The following MORN5 variants were observed in gnomAD, a reference collection of about 807,000 sequenced individuals.
MORN5 encodes MORN repeat-containing protein 5.
A neutral mutation model predicts 22.1 loss-of-function variants in MORN5; 21 were observed. The ratio of observed to expected loss-of-function variants is 0.95; its 90% CI spans 0.67 to 1.37. The LOEUF (loss-of-function observed/expected upper bound fraction) is 1.37. Among genes scored for constraint, MORN5 ranks in the 40% most tolerant of loss-of-function variants. The probability of loss-of-function intolerance (pLI) is 0.00; values close to 1 mark genes in which losing one functional copy is unlikely to be tolerated. For synonymous variants in MORN5, 73 were observed against 74.0 expected (o/e 0.99, Z 0.07); for missense variants, 211 against 215.1 (o/e 0.98, Z 0.12).
chr9:122,190,782 A>G (rs571661088), intron 4 of MORN5, among the ~76,000 whole-genome samples: 54 of 152,402 alleles, frequency 3.5e-4, no homozygotes, highest in African/African-American at 1.3e-3. Context: ...CACCACTGCC[A>G]GCAAAGTTCA....
chr9:122,176,472 T>C (rs540565472), intron 4 of MORN5, among the ~76,000 whole-genome samples: 71 of 152,344 alleles, frequency 4.7e-4, no homozygotes, highest in African/African-American at 1.6e-3. Context: ...ATGACACTTA[T>C]TTCAACATAA....
intron 4 of MORN5, among the ~76,000 whole-genome samples, chr9:122,182,953 G>C (rs777409184): frequency 6.6e-6 from 1 of 152,154 alleles, no homozygotes; most frequent in Non-Finnish European, 1.5e-5. Flanking sequence ...TCTTGCCAGC[G>C]TCATGGTTCT....
intron 2 of MORN5, among the ~76,000 whole-genome samples, chr9:122,168,095 T>C (rs532066714): frequency 8.5e-5 from 13 of 152,346 alleles, no homozygotes; most frequent in Admixed American, 8.5e-4. Flanking sequence ...AAAATCCCTC[T>C]TGCCATGTAA....
At chr9:122,196,530 A>C (rs954210760) in intron 4 of MORN5, among the ~76,000 whole-genome samples, 1 of 151,736 alleles carries the variant, frequency 6.6e-6, no homozygotes, top group Non-Finnish European at 1.5e-5. Flanking sequence ...ACAGGGTTTC[A>C]CCATGTTGGC....
At chr9:122,171,713 TC>T (rs949528111) in intron 3 of MORN5, among the ~76,000 whole-genome samples, 2 of 152,088 alleles carry the variant, frequency 1.3e-5, no homozygotes, top group Admixed American at 6.5e-5. Flanking sequence ...AATCCTCCCT[TC>T]CCCTGCCCCC....
chr9:122,179,682 A>G (rs1829506214), intron 4 of MORN5, among the ~76,000 whole-genome samples: 2 of 152,228 alleles, frequency 1.3e-5, no homozygotes, highest in African/African-American at 2.4e-5. Context: ...TCCTGATATT[A>G]TAGGACAGAT....
At chr9:122,187,691 C>CA (rs919004575) in intron 4 of MORN5, among the ~76,000 whole-genome samples, 18 of 151,842 alleles carry the variant, frequency 1.2e-4, no homozygotes, top group South Asian at 1.0e-3. Flanking sequence ...TAACATAAAC[C>CA]AAAAAAAAGC....
intron 4 of MORN5, among the ~76,000 whole-genome samples, chr9:122,191,377 A>G (rs1381342476): frequency 6.6e-6 from 1 of 152,208 alleles, no homozygotes; most frequent in African/African-American, 2.4e-5. Flanking sequence ...CTGGTGCCAG[A>G]CACACTGAGC....
chr9:122,174,126 A>T (rs1829408094), intron 3 of MORN5, among the ~76,000 whole-genome samples: 1 of 152,152 alleles, frequency 6.6e-6, no homozygotes, highest in Non-Finnish European at 1.5e-5. Flanking sequence ...CACGCTTTGA[A>T]TGCCACCCCT....
chr9:122,186,396 A>G (rs1221278138), intron 4 of MORN5, among the ~76,000 whole-genome samples: 1 of 152,082 alleles, frequency 6.6e-6, no homozygotes, highest in Non-Finnish European at 1.5e-5. Flanking sequence ...TGAACCATGA[A>G]CCTGTCTGAG....
intron 1 of MORN5, among the ~76,000 whole-genome samples, chr9:122,160,484 C>G (rs570886976): frequency 6.6e-6 from 1 of 152,172 alleles, no homozygotes; most frequent in Non-Finnish European, 1.5e-5. Flanking sequence ...ATTATATACA[C>G]AAATCACTGT....
chr9:122,196,469 G>T (rs1002702630), intron 4 of MORN5, among the ~76,000 whole-genome samples: 7 of 151,874 alleles, frequency 4.6e-5, no homozygotes, highest in African/African-American at 1.7e-4. Context: ...ATGTAGCTGG[G>T]ACTATAGGCA....
At chr9:122,196,152 T>C (rs1829884907) in intron 4 of MORN5, among the ~76,000 whole-genome samples, 1 of 151,000 alleles carries the variant, frequency 6.6e-6, no homozygotes, top group Non-Finnish European at 1.5e-5. Flanking sequence ...AGAGAGGAGG[T>C]TTTGCCATGT....
intron 1 of MORN5, among the ~76,000 whole-genome samples, chr9:122,161,185 A>G (rs910198564): frequency 6.6e-6 from 1 of 151,962 alleles, no homozygotes; most frequent in African/African-American, 2.4e-5. Context: ...ACTGTGAAGC[A>G]CTCCCACCTT....
At chr9:122,186,686 C>T (rs1031428404) in intron 4 of MORN5, among the ~76,000 whole-genome samples, 27 of 152,286 alleles carry the variant, frequency 1.8e-4, no homozygotes, top group South Asian at 1.7e-3. Flanking sequence ...CCTCCCCTGC[C>T]GCCCCCCGAC....
intron 4 of MORN5, among the ~76,000 whole-genome samples, chr9:122,195,152 C>G (rs549192603): frequency 6.6e-6 from 1 of 152,242 alleles, no homozygotes; most frequent in South Asian, 2.1e-4. Flanking sequence ...TCTTAGAGAA[C>G]ATGAGGATCT....
At chr9:122,167,533 C>T (rs1445391126) in intron 2 of MORN5, among the ~76,000 whole-genome samples, 1 of 151,790 alleles carries the variant, frequency 6.6e-6, no homozygotes, top group Admixed American at 6.6e-5. Context: ...CTCCCTGCTT[C>T]TGGATCTCCC....
chr9:122,175,106 G>T (rs1394450617), intron 4 of MORN5, among the ~76,000 whole-genome samples: 1 of 152,190 alleles, frequency 6.6e-6, no homozygotes, highest in African/African-American at 2.4e-5. Flanking sequence ...GAAAGTAGGG[G>T]CCCCAGAGAG....
intron 4 of MORN5, among the ~76,000 whole-genome samples, chr9:122,186,218 G>A (rs969670478): frequency 6.6e-6 from 1 of 152,126 alleles, no homozygotes; most frequent in South Asian, 2.1e-4. Flanking sequence ...AGTTCTTTGA[G>A]GAATAGACCA....
Sources: gnomAD v4.1 joint callset for allele counts (sites outside exome capture counted in the v4.1 genomes callset) on GRCh38, gnomAD v4.1.1 for gene constraint, MANE v1.5 for transcripts, NCBI Gene and HGNC (gene_info 2026-07-23, HGNC 2026-07-21) for gene names.